FAM20A: variants seen among roughly 807,000 people sequenced by gnomAD.
The protein encoded by FAM20A is FAM20A golgi associated secretory pathway pseudokinase, also known as pseudokinase FAM20A.
Under a neutral mutation model 52.0 loss-of-function variants are expected in FAM20A, and 42 were observed. The ratio of observed to expected loss-of-function variants is 0.81; its 90% CI spans 0.63 to 1.04. The LOEUF is 1.04. FAM20A is among the 50% of genes least tolerant of loss of function. The pLI is 0.00. For missense variants in FAM20A, 742 were observed against 712.7 expected (o/e 1.04, Z -0.47); for synonymous variants, 304 against 298.9 (o/e 1.02, Z -0.18).
Position 68,543,798 on chromosome 17 carries a change from C to T in FAM20A, c.720-77G>A, listed in dbSNP as rs759181848. ...TGAGAAGAGAGCTGATGAGCATGAC[C>T]AGCGAGAAAGGAAAACGGGCTTTTA... is the stretch of plus-strand genomic sequence containing the variant. On this transcript the variant is annotated intron_variant, in intron 4 of 10. Transcript: ENST00000592554. 5.4e-6 allele frequency: 7 copies of T among 1,291,758 alleles called. No individual in the cohort carries two copies. In the South Asian group the frequency reaches 8.3e-5, roughly 15 times the overall value. The allele number at this position is 1,291,758 out of a possible 1,614,324, so 80.0% of individuals were successfully genotyped here.
At chr17:68,576,858 C>T (rs1160372886) in intron 1 of FAM20A, among the ~76,000 whole-genome samples, 1 of 152,162 alleles carries the variant, frequency 6.6e-6, no homozygotes, top group Non-Finnish European at 1.5e-5. Context: ...TGGCCCCAGG[C>T]TGAGCTAGTT....
chr17:68,542,395 C>G lies in FAM20A; in HGVS notation c.929-230G>C, dbSNP rs1389994294. Among the ~76,000 whole-genome samples the G allele has an allele frequency of 2.0e-5, 3 of 152,182 alleles. No homozygotes were observed. The East Asian group carries it at 5.8e-4, about 29-fold the overall frequency. On this transcript the variant is annotated intron_variant, in intron 6 of 10. Coordinates refer to ENST00000592554, the MANE Select transcript of FAM20A (RefSeq NM_017565.4). ...TGTCCCAACCTTACTGCATTCTATC[C>G]TTATGAGTAGAACACTCTTTATTAC...
rs755526466 is a variant in FAM20A, at chr17:68,537,477, T to G, written c.1626A>C (p.Ter542TyrextTer54). 1 of 1,614,068 alleles carries G rather than the reference T, an allele frequency of 6.2e-7. No individual in the cohort carries two copies. The highest frequency in any genetic ancestry group is 8.5e-7 in the Non-Finnish European group (1 of 1,180,000). The stretch of plus-strand genomic sequence containing the variant: ...TTCTGAAACTGGACTCTGCCAGCCC[T>G]TAGCTTGTCAAGTTAGCCTGGCCAG... Reference protein sequence around the residue: ...PDSGQANLTS* With the variant: ...PDSGQANLTSY Residue 542 changes from the stop codon to tyrosine, a stop_lost, in exon 11 of 11, where the codon TAA becomes TAC. Coordinates refer to ENST00000592554, the MANE Select transcript of FAM20A (RefSeq NM_017565.4). This position sits in a 1 kb window ranked among gnomAD's most constrained non-coding sequence, Gnocchi z 4.2.
chr17:68,542,243 C>T lies in FAM20A; in HGVS notation c.929-78G>A, dbSNP rs76499529. The T allele has an allele frequency of 1.5e-5, 23 of 1,507,224 alleles. No individual in the cohort carries two copies. The East Asian group carries it at 5.1e-4, about 33-fold the overall frequency. 93.4% of individuals were successfully genotyped at this position (1,507,224 alleles called of 1,614,324 possible). ...ACATCTTCCTGGCCTAGGAAATCCA[C>T]TGGGAGGGAAGGGAAACCCTGAACT... On this transcript the variant is annotated intron_variant, in intron 6 of 10. Coordinates refer to ENST00000592554, the MANE Select transcript of FAM20A (RefSeq NM_017565.4).
chr17:68,563,562 C>T (rs1006364425), intron 1 of FAM20A, among the ~76,000 whole-genome samples: 1 of 151,608 alleles, frequency 6.6e-6, no homozygotes, highest in South Asian at 2.1e-4. Context: ...CCCATGTCCG[C>T]AGTTTTTAGG....
intron 4 of FAM20A, among the ~76,000 whole-genome samples, chr17:68,548,281 G>T (rs2086660093): frequency 6.6e-6 from 1 of 151,976 alleles, no homozygotes; most frequent in Admixed American, 6.6e-5. Context: ...TATAATCCCA[G>T]CACTTTGGGA....
rs778292216 is a variant in FAM20A, at chr17:68,542,167, T to TGGAGGATGG, written c.929-11_929-3dup. 1.9e-6 allele frequency: 3 copies of TGGAGGATGG among 1,613,654 alleles called. No homozygotes were observed. The African/African-American group carries it at 4.0e-5, about 22-fold the overall frequency. On this transcript the variant is annotated splice_polypyrimidine_tract_variant and splice_region_variant and intron_variant, in intron 6 of 10. Transcript: ENST00000592554. ...TGGCGAAGAAGCACACGTTGCTCGC[T>TGGAGGATGG]GGAGGATGGGGAGGAGAGAGGAGGA...
intron 1 of FAM20A, among the ~76,000 whole-genome samples, chr17:68,566,106 C>G (rs1231471496): frequency 6.6e-6 from 1 of 152,184 alleles, no homozygotes; most frequent in Non-Finnish European, 1.5e-5. Context: ...AGCCAAACTC[C>G]CATGGAACTT....
chr17:68,579,670 C>T (rs1214285694), intron 1 of FAM20A, among the ~76,000 whole-genome samples: 1 of 152,102 alleles, frequency 6.6e-6, no homozygotes, highest in Non-Finnish European at 1.5e-5. Flanking sequence ...CTACTTGTCT[C>T]GTGAAGGTCA....
chr17:68,548,536 A>T (rs1241839976), intron 4 of FAM20A, among the ~76,000 whole-genome samples: 3 of 151,834 alleles, frequency 2.0e-5, no homozygotes, highest in Non-Finnish European at 2.9e-5. Context: ...TCTCAAAAAA[A>T]AAAAGTTTGA....
chr17:68,540,693 C>T (rs2086246639), intron 8 of FAM20A, 156 bp downstream of exon 8: 3 of 913,658 alleles, frequency 3.3e-6, no homozygotes, highest in Non-Finnish European at 5.2e-6. Flanking sequence ...CTGTTACCTT[C>T]TGTCCTCTGG....
chr17:68,580,682 A>T (rs912257463), intron 1 of FAM20A, among the ~76,000 whole-genome samples: 13 of 152,334 alleles, frequency 8.5e-5, no homozygotes, highest in African/African-American at 3.1e-4. Flanking sequence ...GTGAGCAAAA[A>T]TCAGACTCAA....
chr17:68,535,812 T>A lies in FAM20A; in HGVS notation c.*1665A>T, dbSNP rs1490884907. The A allele has an allele frequency of 2.2e-6, 1 of 453,926 alleles. No individual in the cohort carries two copies. The highest frequency in any genetic ancestry group is 2.0e-5 in the African/African-American group (1 of 49,974). 28.1% of individuals were successfully genotyped at this position (453,926 alleles called of 1,614,324 possible). On this transcript the variant is annotated 3_prime_UTR_variant, in exon 11 of 11. Coordinates refer to ENST00000592554, the MANE Select transcript of FAM20A (RefSeq NM_017565.4). ...GTGTGAGCCCATGCCCAGCTGATTTTTTTTTTAAGCAAACAAATTTGACTT... is the reference window on the plus strand; with the variant it reads ...GTGTGAGCCCATGCCCAGCTGATTTATTTTTTAAGCAAACAAATTTGACTT...
chr17:68,540,917 A>G lies in FAM20A; in HGVS notation c.1151T>C (p.Ile384Thr). 1 of 1,602,964 alleles carries G rather than the reference A, an allele frequency of 6.2e-7. No individual in the cohort carries two copies. The highest frequency in any genetic ancestry group is 1.3e-5 in the African/African-American group (1 of 74,882). Residue 384 changes from isoleucine to threonine, a missense_variant, in exon 8 of 11, where the codon ATC becomes ACC. By Grantham distance (89) the Ile-to-Thr change is moderately conservative. Transcript: ENST00000592554. ...NPLYCDTVKQ[I>T]YPYNNSQRLL... ...CCGCTGGCTGTTGTTGTACGGGTAG[A>G]TCTGTTTCACTGTGTCACAGTAAAG...
intron 1 of FAM20A, among the ~76,000 whole-genome samples, chr17:68,585,411 C>T (rs1329077013): frequency 6.6e-6 from 1 of 151,896 alleles, no homozygotes; most frequent in Non-Finnish European, 1.5e-5. Context: ...CGTGCAAACA[C>T]ATTCTTTTTT....
chr17:68,599,247 C>T (rs1321346946), intron 1 of FAM20A, among the ~76,000 whole-genome samples: 1 of 152,146 alleles, frequency 6.6e-6, no homozygotes, highest in African/African-American at 2.4e-5. Flanking sequence ...CCGATGACAT[C>T]TTACTTTGAA....
intron 7 of FAM20A, chr17:68,541,329 T>C (rs992729035): frequency 6.3e-5 from 18 of 283,796 alleles, no homozygotes; most frequent in African/African-American, 3.9e-4. Flanking sequence ...CTCCATGGGC[T>C]GTTCCTGCCC....
chr17:68,556,121 T>G (rs1179789249), intron 1 of FAM20A, among the ~76,000 whole-genome samples: 1 of 152,172 alleles, frequency 6.6e-6, no homozygotes, highest in Non-Finnish European at 1.5e-5. Flanking sequence ...ACTTTCTCAT[T>G]AAAACTCCCT....
At chr17:68,589,221 C>T (rs1345574323) in intron 1 of FAM20A, among the ~76,000 whole-genome samples, 1 of 152,190 alleles carries the variant, frequency 6.6e-6, no homozygotes, top group African/African-American at 2.4e-5. Flanking sequence ...CCAAGATCAC[C>T]ATTCCAGCCC....
Sources: gnomAD v4.1 joint callset for allele counts (sites outside exome capture counted in the v4.1 genomes callset) on GRCh38, gnomAD v4.1.1 for gene constraint, Gnocchi (gnomAD v3.1) non-coding constraint, MANE v1.5 for transcripts, NCBI Gene and HGNC (gene_info 2026-07-23, HGNC 2026-07-21) for gene names.